The following SLC13A3 variants were observed in gnomAD, a reference collection of about 807,000 sequenced individuals.
SLC13A3 encodes the protein Na(+)/dicarboxylate cotransporter 3.
A neutral mutation model predicts 59.0 loss-of-function variants in SLC13A3; 40 were observed. The observed-to-expected ratio is 0.68, with a 90% CI of 0.53 to 0.88. SLC13A3 has a LOEUF of 0.88. SLC13A3 is among the 40% of genes least tolerant of loss of function. The probability of loss-of-function intolerance (pLI) is 0.00; values close to 1 mark genes in which losing one functional copy is unlikely to be tolerated. For synonymous variants in SLC13A3, 317 were observed against 330.3 expected, an observed-to-expected ratio of 0.96 and a Z score of 0.44; for missense variants, 699 against 783.2, an observed-to-expected ratio of 0.89 and a Z score of 1.28.
chr20:46,576,348 G>A (rs780854389), intron 9 of SLC13A3, among the ~76,000 whole-genome samples: 16 of 152,164 alleles, frequency 1.1e-4, no homozygotes, highest in Non-Finnish European at 2.1e-4. Context: ...GACCTGGCAC[G>A]TGGCTGGTAG....
intron 1 of SLC13A3, among the ~76,000 whole-genome samples, chr20:46,648,286 AGAT>A (rs1256778997): frequency 2.6e-5 from 4 of 152,242 alleles, no homozygotes; most frequent in South Asian, 2.1e-4. Context: ...AGATCAATAA[AGAT>A]GATGATGTTT....
At chr20:46,666,884 G>A (rs1325521401) in intron 1 of SLC13A3, among the ~76,000 whole-genome samples, 2 of 152,036 alleles carry the variant, frequency 1.3e-5, no homozygotes, top group African/African-American at 4.8e-5. Context: ...AGTTTACAAT[G>A]TAAAGCAACT....
intron 9 of SLC13A3, chr20:46,583,164 T>A (rs1199437521): frequency 1.4e-6 from 1 of 738,884 alleles, no homozygotes; most frequent in African/African-American, 1.9e-5. Flanking sequence ...TGTAGGTACT[T>A]ATATAACTAA....
At chr20:46,647,808 G>A (rs746319429) in intron 1 of SLC13A3, among the ~76,000 whole-genome samples, 6 of 152,196 alleles carry the variant, frequency 3.9e-5, no homozygotes, top group Non-Finnish European at 8.8e-5. Context: ...GTGGACAGAT[G>A]TCATCAAGCT....
intron 1 of SLC13A3, among the ~76,000 whole-genome samples, chr20:46,651,036 G>C (rs1221645477): frequency 6.6e-6 from 1 of 152,140 alleles, no homozygotes; most frequent in East Asian, 1.9e-4. Flanking sequence ...CTGGGTGACC[G>C]GCGAGAACCT....
intron 9 of SLC13A3, among the ~76,000 whole-genome samples, chr20:46,581,255 C>T (rs1479875014): frequency 6.6e-6 from 1 of 152,200 alleles, no homozygotes; most frequent in Non-Finnish European, 1.5e-5. Flanking sequence ...AAGCCCTGGG[C>T]ATTGTGAGTT....
At chr20:46,630,968 A>G (rs2122811447) in intron 1 of SLC13A3, among the ~76,000 whole-genome samples, 1 of 152,346 alleles carries the variant, frequency 6.6e-6, no homozygotes, top group African/African-American at 2.4e-5. Flanking sequence ...CCAGTGATTG[A>G]TACATACAGT....
intron 1 of SLC13A3, among the ~76,000 whole-genome samples, chr20:46,616,507 T>C (rs888812136): frequency 6.6e-6 from 1 of 151,888 alleles, no homozygotes; most frequent in African/African-American, 2.4e-5. Context: ...GAAGAATGAG[T>C]CAGCAGGTGG....
At chr20:46,596,687 G>A (rs2062316122) in intron 4 of SLC13A3, among the ~76,000 whole-genome samples, 1 of 152,206 alleles carries the variant, frequency 6.6e-6, no homozygotes, top group Admixed American at 6.5e-5. Context: ...TTACTAAGAT[G>A]AGAGCTGTCC....
chr20:46,639,551 G>C (rs567232284), intron 1 of SLC13A3, among the ~76,000 whole-genome samples: 1 of 152,284 alleles, frequency 6.6e-6, no homozygotes, highest in South Asian at 2.1e-4. Context: ...GATCACTTGT[G>C]TTAGTTCTTG....
At chr20:46,651,688 T>C (rs1390589680), upstream of SLC13A3, among the ~76,000 whole-genome samples, 3 of 152,252 alleles carry the variant, frequency 2.0e-5, no homozygotes, top group East Asian at 5.8e-4. Flanking sequence ...TTCCCAGCAA[T>C]GTGGCCTGGG....
chr20:46,564,341 T>C (rs1038647997), intron 11 of SLC13A3, among the ~76,000 whole-genome samples: 1 of 152,250 alleles, frequency 6.6e-6, no homozygotes, highest in Non-Finnish European at 1.5e-5. Context: ...TACTGATCAC[T>C]TTTATGGCGT....
chr20:46,632,934 T>A (rs1262267481), intron 1 of SLC13A3, among the ~76,000 whole-genome samples: 54 of 102,192 alleles, frequency 5.3e-4, no homozygotes, highest in Non-Finnish European at 9.7e-4. Context: ...TATCTATCTA[T>A]CTATCTATCT....
intron 1 of SLC13A3, among the ~76,000 whole-genome samples, chr20:46,658,727 C>A (rs2063009782): frequency 1.3e-5 from 2 of 152,198 alleles, no homozygotes; most frequent in African/African-American, 2.4e-5. Context: ...ATCAAGTTGG[C>A]TGATCGTGTT....
At chr20:46,658,733 G>A (rs916983309) in intron 1 of SLC13A3, among the ~76,000 whole-genome samples, 3 of 152,170 alleles carry the variant, frequency 2.0e-5, no homozygotes, top group Admixed American at 6.5e-5. Context: ...TTGGCTGATC[G>A]TGTTCTTCAA....
At chr20:46,641,187 A>G (rs770499956) in intron 1 of SLC13A3, among the ~76,000 whole-genome samples, 2 of 152,202 alleles carry the variant, frequency 1.3e-5, no homozygotes, top group Non-Finnish European at 2.9e-5. Context: ...TTCCTGCTCA[A>G]ACGTTACGCA....
At chr20:46,601,323 T>C (rs1048955067) in intron 3 of SLC13A3, among the ~76,000 whole-genome samples, 15 of 152,216 alleles carry the variant, frequency 9.9e-5, no homozygotes, top group African/African-American at 3.6e-4. Context: ...CCAGCTAAGA[T>C]GATGATGGCT....
intron 2 of SLC13A3, among the ~76,000 whole-genome samples, chr20:46,611,636 C>T (rs565980221): frequency 1.3e-5 from 2 of 152,270 alleles, no homozygotes; most frequent in Admixed American, 1.3e-4. Context: ...AAATTACTCT[C>T]AAATCTATCC....
At chr20:46,670,161 A>G (rs1205935289), upstream of SLC13A3, 4 of 152,242 alleles carry the variant, frequency 2.6e-5, no homozygotes, top group Admixed American at 2.6e-4. Context: ...GAGCAGCTTT[A>G]AAAACAATTC....
Sources: gnomAD v4.1 joint callset for allele counts (sites outside exome capture counted in the v4.1 genomes callset) on GRCh38, gnomAD v4.1.1 for gene constraint, MANE v1.5 for transcripts, NCBI Gene and HGNC (gene_info 2026-07-23, HGNC 2026-07-21) for gene names.